ELL2: variants seen among roughly 807,000 people sequenced by gnomAD.
ELL2 encodes the protein elongation factor for RNA polymerase II 2.
ELL2 carries 21 observed loss-of-function variants against 72.8 expected under a neutral mutation model. The observed-to-expected ratio is 0.29, with a 90% CI of 0.20 to 0.42. ELL2 has a LOEUF of 0.42. Among genes scored for constraint, ELL2 ranks in the 10% least tolerant of loss-of-function variants. The pLI, the probability that ELL2 is intolerant of heterozygous loss-of-function variation, is 1.00. For missense variants in ELL2, 568 were observed against 772.8 expected, an observed-to-expected ratio of 0.73 and a Z score of 3.14; for synonymous variants, 266 against 283.2, an observed-to-expected ratio of 0.94 and a Z score of 0.61.
At position 95,928,607 on chromosome 5, in the gene ELL2, C is replaced by T. The variant is rs970315245; in HGVS notation, c.196-9062G>A. ...CCTCAACAAACACATAATCGTAAGA[C>T]TTACTGCTTTTTCCTTCCGAAACAT... is the stretch of plus-strand genomic sequence containing the variant. On this transcript the variant is annotated intron_variant, in intron 2 of 11. Coordinates refer to ENST00000237853, the MANE Select transcript of ELL2 (RefSeq NM_012081.6). Among the ~76,000 whole-genome samples, 8 of 152,280 alleles carry T rather than the reference C, an allele frequency of 5.3e-5. No individual in the cohort carries two copies. In the East Asian group the frequency reaches 1.5e-3, roughly 29 times the overall value.
intron 5 of ELL2, among the ~76,000 whole-genome samples, chr5:95,902,720 T>TA (rs1237484598): frequency 6.6e-6 from 1 of 152,236 alleles, no homozygotes; most frequent in Non-Finnish European, 1.5e-5. Flanking sequence ...TAATATAGTA[T>TA]ACACCCAGAT....
chr5:95,960,833 C>T (rs113521038), intron 1 of ELL2, among the ~76,000 whole-genome samples: 1 of 152,058 alleles, frequency 6.6e-6, no homozygotes, highest in Non-Finnish European at 1.5e-5. Flanking sequence ...TAACGCGATG[C>T]GCCGGTGTCC....
At chr5:95,927,084 C>T (rs1750309773) in intron 2 of ELL2, among the ~76,000 whole-genome samples, 1 of 152,076 alleles carries the variant, frequency 6.6e-6, no homozygotes, top group Admixed American at 6.5e-5. Flanking sequence ...CTGAGTACTA[C>T]TGTGCTAGGC....
chr5:95,909,830 T>C (rs566300087), intron 4 of ELL2, among the ~76,000 whole-genome samples: 1 of 152,346 alleles, frequency 6.6e-6, no homozygotes, highest in South Asian at 2.1e-4. Context: ...CTCAGTCTAA[T>C]GGCTTTGAGT....
chr5:95,939,542 T>C (rs1199226080), intron 2 of ELL2, among the ~76,000 whole-genome samples: 2 of 152,258 alleles, frequency 1.3e-5, no homozygotes, highest in Non-Finnish European at 2.9e-5. Flanking sequence ...GGTTGATAAC[T>C]GCATCAGTAA....
intron 7 of ELL2, chr5:95,900,373 T>A (rs141363166): frequency 5.5e-4 from 106 of 192,970 alleles, no homozygotes; most frequent in African/African-American, 2.3e-3. Flanking sequence ...TATAATCTGA[T>A]AATTGTTTGG....
At chr5:95,943,128 T>A in intron 1 of ELL2, 79 bp from the exon 2 acceptor site, 1 of 1,286,238 alleles carries the variant, frequency 7.8e-7, no homozygotes, top group African/African-American at 1.5e-5. Context: ...ACTTTAAATC[T>A]ATGTTATTTG....
chr5:95,893,306 A>G (rs1748736569), intron 9 of ELL2, among the ~76,000 whole-genome samples: 1 of 152,260 alleles, frequency 6.6e-6, no homozygotes, highest in Non-Finnish European at 1.5e-5. Flanking sequence ...TAGCTTAACT[A>G]CAAGTAAAAG....
At chr5:95,924,068 G>A (rs997609070) in intron 2 of ELL2, among the ~76,000 whole-genome samples, 2 of 152,106 alleles carry the variant, frequency 1.3e-5, no homozygotes, top group African/African-American at 4.8e-5. Context: ...CTAAACTATG[G>A]CAACTTCAGA....
intron 5 of ELL2, 72 bp from the exon 6 acceptor site, chr5:95,901,152 T>C: frequency 2.7e-6 from 4 of 1,477,782 alleles, no homozygotes; most frequent in Non-Finnish European, 3.6e-6. Context: ...AGGCAACCTT[T>C]AGGATTTACA....
chr5:95,961,578 G>A lies in ELL2; in HGVS notation c.144C>T (p.His48=), dbSNP rs773069432. Residue 48 remains histidine, a synonymous_variant, in exon 1 of 12, where the codon CAC becomes CAT. Coordinates refer to ENST00000237853, the MANE Select transcript of ELL2 (RefSeq NM_012081.6). ...AIRALETYQS[H]KNLIPFRPSI... is the part of the protein sequence containing the mutation. The stretch of plus-strand genomic sequence containing the variant: ...GCCTGCCGGCCGGCCCGCTCACCTT[G>A]TGGCTCTGGTAAGTCTCGAGCGCCC... 104 of 1,593,238 alleles carry A rather than the reference G, an allele frequency of 6.5e-5. No individual in the cohort carries two copies. Among genetic ancestry groups the A allele is most frequent in the Non-Finnish European group, 8.3e-5 (97 of 1,171,658 alleles).
intron 1 of ELL2, among the ~76,000 whole-genome samples, chr5:95,943,414 G>C (rs1751044408): frequency 1.3e-5 from 2 of 151,950 alleles, no homozygotes; most frequent in Non-Finnish European, 2.9e-5. Flanking sequence ...ATTTCTCTCT[G>C]AACCACACAA....
chr5:95,942,834 AATAAG>A (rs1277739940), intron 2 of ELL2, 163 bp downstream of exon 2: 17 of 393,568 alleles, frequency 4.3e-5, no homozygotes, highest in Admixed American at 9.4e-5. Context: ...AAGTTAATAA[AATAAG>A]ATAATTCAAG....
chr5:95,930,317 C>T (rs998059050), intron 2 of ELL2, among the ~76,000 whole-genome samples: 2 of 152,146 alleles, frequency 1.3e-5, no homozygotes, highest in African/African-American at 2.4e-5. Context: ...TGTAAGTGGG[C>T]TTAGAATTCA....
chr5:95,931,470 T>C (rs943149685), intron 2 of ELL2, among the ~76,000 whole-genome samples: 14 of 152,122 alleles, frequency 9.2e-5, no homozygotes, highest in Non-Finnish European at 1.9e-4. Flanking sequence ...TTTGAAGTAA[T>C]TTCTGGTAAC....
intron 4 of ELL2, among the ~76,000 whole-genome samples, chr5:95,912,745 C>A (rs1749652889): frequency 1.3e-5 from 2 of 152,238 alleles, no homozygotes; most frequent in South Asian, 4.1e-4. Context: ...AAGCACCAAG[C>A]CCCAGGAGCA....
At chr5:95,891,508 C>A (rs1225645724) in intron 9 of ELL2, among the ~76,000 whole-genome samples, 2 of 152,144 alleles carry the variant, frequency 1.3e-5, no homozygotes, top group African/African-American at 4.8e-5. Flanking sequence ...GACATGGTGG[C>A]AATGGAACTA....
chr5:95,889,397 G>A (rs1214871019), intron 10 of ELL2, among the ~76,000 whole-genome samples: 2 of 152,104 alleles, frequency 1.3e-5, no homozygotes, highest in Non-Finnish European at 2.9e-5. Flanking sequence ...TGTTTGTAAA[G>A]CAAAAGACAG....
chr5:95,890,650 ATC>A (rs1748625917), intron 10 of ELL2, among the ~76,000 whole-genome samples: 1 of 152,040 alleles, frequency 6.6e-6, no homozygotes. Flanking sequence ...TAAACCCCAA[ATC>A]TCTGTGTATT....
Sources: gnomAD v4.1 joint callset for allele counts (sites outside exome capture counted in the v4.1 genomes callset) on GRCh38, gnomAD v4.1.1 for gene constraint, MANE v1.5 for transcripts, NCBI Gene and HGNC (gene_info 2026-07-23, HGNC 2026-07-21) for gene names.